The following MRC1 variants were observed in gnomAD, a reference collection of about 807,000 sequenced individuals.
MRC1 encodes mannose receptor C-type 1.
In MRC1, 62 loss-of-function variants were observed where a neutral mutation model predicts 102.9. That is an observed-to-expected ratio of 0.60 (90% CI 0.49 to 0.74). MRC1 has a LOEUF of 0.74. Among genes scored for constraint, MRC1 ranks in the 30% least tolerant of loss-of-function variants. MRC1 has a pLI of 0.00. For synonymous variants in MRC1, 457 were observed against 298.4 expected (o/e 1.53, Z -5.48); for missense variants, 1,237 against 862.8 (o/e 1.43, Z -5.43).
In MRC1 at chr10:17,905,611, C is replaced by G. The variant is rs905481552; in HGVS notation, c.3800-1275C>G. On this transcript the variant is annotated intron_variant, in intron 26 of 29. Transcript: ENST00000569591. ...AAATAAAATGAATGCTTCTCATTCT[C>G]ATTCTCAAAATATGAGTCATAAATA... Among the ~76,000 whole-genome samples, 5 of 151,306 alleles carry G rather than the reference C, an allele frequency of 3.3e-5. 1 individual carries two copies. The highest frequency in any genetic ancestry group is 3.3e-4 in the Admixed American group (5 of 15,186).
chr10:17,818,659 A>G (rs1838348529), intron 1 of MRC1, among the ~76,000 whole-genome samples: 1 of 152,066 alleles, frequency 6.6e-6, no homozygotes, highest in African/African-American at 2.4e-5. Flanking sequence ...AAATACAAAA[A>G]TTAGGTGGGT....
chr10:17,850,357 T>G (rs1205959738), intron 7 of MRC1, among the ~76,000 whole-genome samples: 1 of 150,322 alleles, frequency 6.7e-6, no homozygotes, highest in Admixed American at 6.7e-5. Flanking sequence ...CCCACCACTT[T>G]GGGAGGCCAA....
chr10:17,828,892 G>T (rs928538020), intron 3 of MRC1, among the ~76,000 whole-genome samples: 1 of 151,416 alleles, frequency 6.6e-6, no homozygotes, highest in Non-Finnish European at 1.5e-5. Context: ...GGAGGAGGGC[G>T]TCATGTTGAA....
chr10:17,809,389 GT>G lies in MRC1; in HGVS notation c.-75del. 2 of 855,874 alleles carry G rather than the reference GT, an allele frequency of 2.3e-6. No individual in the cohort carries two copies. The highest frequency in any genetic ancestry group is 2.6e-5 in the South Asian group (2 of 76,172). The allele number at this position is 855,874 out of a possible 1,614,324, so 53.0% of individuals were successfully genotyped here. A position where few individuals can be genotyped will look rare whatever the true frequency, so the allele number is the denominator to read the frequency against. On this transcript the variant is annotated 5_prime_UTR_variant, in exon 1 of 30. Coordinates refer to ENST00000569591, the MANE Select transcript of MRC1 (RefSeq NM_002438.4). ...GGAACTTGGATTAGGTGGAGAGGCA[GT>G]TGGGGGGCCTCGTTGTTTTGCGTCT...
In MRC1 at chr10:17,888,521, T is replaced by C. The variant is rs950142568; in HGVS notation, c.3147+3086T>C. On this transcript the variant is annotated intron_variant, in intron 22 of 29. Coordinates refer to ENST00000569591, the MANE Select transcript of MRC1 (RefSeq NM_002438.4). ...TTTTTTGGTTGTCTTTGTGTGTCAC[T>C]ATTAGTGTATTATTATTGACTTAAC... Among the ~76,000 whole-genome samples the C allele has an allele frequency of 1.3e-3, 191 of 152,236 alleles. 2 individuals are homozygous for C. The highest frequency in any genetic ancestry group is 0.012 in the Admixed American group (190 of 15,286).
Position 17,901,993 on chromosome 10 carries a change from C to T in MRC1, c.3670C>T (p.Pro1224Ser). The T allele has an allele frequency of 3.8e-6, 3 of 780,740 alleles. No individual in the cohort carries two copies. In the South Asian group the frequency reaches 4.0e-5, roughly 10 times the overall value. The allele number at this position is 780,740 out of a possible 1,614,324, so 48.4% of individuals were successfully genotyped here. A position where few individuals can be genotyped will look rare whatever the true frequency, so the allele number is the denominator to read the frequency against. The change falls in exon 26 of 30, where the codon CCA (proline) becomes TCA (serine). Residue 1224 changes from proline (P) to serine (S), a missense_variant. Physicochemically the swap from Pro to Ser is moderately conservative, Grantham distance 74. Coordinates refer to ENST00000569591, the MANE Select transcript of MRC1 (RefSeq NM_002438.4). ...AACAGAAATCCCTGCTACTGAACCCCCACAACTGCCTGGCAGATGCCCGGA... is the reference window on the plus strand; with the variant it reads ...AACAGAAATCCCTGCTACTGAACCCTCACAACTGCCTGGCAGATGCCCGGA... The part of the protein sequence containing the change: ...RSDEIPATEP[P>S]QLPGRCPESD...
In MRC1 at chr10:17,886,787, G is replaced by A. The variant is rs1833602813; in HGVS notation, c.3147+1352G>A. 2.0e-5 allele frequency among the ~76,000 whole-genome samples: 3 copies of A among 152,266 alleles called. No homozygotes were observed. The East Asian group carries it at 5.8e-4, about 29-fold the overall frequency. ...AAAGGCCATGTTAGATGGTCAAGGT[G>A]GGCAGCCTTCAAGCAAGAGATACAT... On this transcript the variant is annotated intron_variant, in intron 22 of 29. Coordinates refer to ENST00000569591, the MANE Select transcript of MRC1 (RefSeq NM_002438.4).
intron 3 of MRC1, among the ~76,000 whole-genome samples, chr10:17,831,566 T>A (rs1359890114): frequency 1.3e-5 from 2 of 151,308 alleles, no homozygotes; most frequent in African/African-American, 4.9e-5. Context: ...TAAAGGGCAA[T>A]TAGATACAGT....
At chr10:17,853,764 T>C (rs1341550675) in intron 8 of MRC1, among the ~76,000 whole-genome samples, 3 of 152,146 alleles carry the variant, frequency 2.0e-5, no homozygotes, top group Non-Finnish European at 2.9e-5. Flanking sequence ...AGCTGTCATA[T>C]GAAATGATTG....
At chr10:17,849,535 CA>C in intron 6 of MRC1, 43 bp from the exon 7 acceptor site, 1 of 750,494 alleles carries the variant, frequency 1.3e-6, no homozygotes, top group East Asian at 2.5e-5. Context: ...TAGTTTTAAT[CA>C]AATCTTTTAA....
Position 17,872,130 on chromosome 10 carries a change from T to G in MRC1, c.2344+4T>G, listed in dbSNP as rs2130677917. ...TGGATTTGCCAGATACAAAAAGGTATGATCACCTCTTCTCTCCTTTATCTC... is the reference window on the plus strand; with the variant it reads ...TGGATTTGCCAGATACAAAAAGGTAGGATCACCTCTTCTCTCCTTTATCTC... On this transcript the variant is annotated splice_donor_region_variant and intron_variant, in intron 15 of 29. Coordinates refer to ENST00000569591, the MANE Select transcript of MRC1 (RefSeq NM_002438.4). The G allele has an allele frequency of 1.3e-6, 1 of 780,630 alleles. No individual in the cohort carries two copies. The highest frequency in any genetic ancestry group is 1.7e-5 in the African/African-American group (1 of 59,260). 48.4% of individuals were successfully genotyped at this position (780,630 alleles called of 1,614,324 possible). A position where few individuals can be genotyped will look rare whatever the true frequency, so the allele number is the denominator to read the frequency against.
intron 1 of MRC1, among the ~76,000 whole-genome samples, chr10:17,814,064 A>G (rs1838268920): frequency 6.6e-6 from 1 of 152,198 alleles, no homozygotes; most frequent in Non-Finnish European, 1.5e-5. Flanking sequence ...TAACTGTAGT[A>G]GAAACTTAGA....
chr10:17,894,352 G>GTT, intron 23 of MRC1, 40 bp downstream of exon 23: 1 of 795,796 alleles, frequency 1.3e-6, no homozygotes, highest in Admixed American at 1.8e-5. Context: ...AAGAGCTGGG[G>GTT]TTTTTTTTTC....
intron 1 of MRC1, among the ~76,000 whole-genome samples, chr10:17,812,572 T>C (rs1169192723): frequency 7.0e-6 from 1 of 143,312 alleles, no homozygotes; most frequent in Non-Finnish European, 1.5e-5. Context: ...GTAGGCTTTT[T>C]TTTTTTTTTT....
At chr10:17,851,144 C>G (rs1024518221) in intron 7 of MRC1, among the ~76,000 whole-genome samples, 5 of 152,112 alleles carry the variant, frequency 3.3e-5, no homozygotes, top group Non-Finnish European at 5.9e-5. Flanking sequence ...ACATTTAACT[C>G]TACTTTGTAT....
intron 19 of MRC1, 51 bp downstream of exon 19, chr10:17,879,872 G>A: frequency 2.6e-6 from 2 of 780,700 alleles, no homozygotes; most frequent in African/African-American, 1.7e-5. Context: ...CGTGTCATTT[G>A]CCACATCCCT....
chr10:17,841,220 C>A (rs1485056585), intron 5 of MRC1, among the ~76,000 whole-genome samples: 1 of 152,190 alleles, frequency 6.6e-6, no homozygotes, highest in African/African-American at 2.4e-5. Context: ...TAGCCAACAT[C>A]TCTTTGTAAA....
chr10:17,884,168 C>T (rs1439069356), intron 21 of MRC1, among the ~76,000 whole-genome samples: 1 of 152,062 alleles, frequency 6.6e-6, no homozygotes. Context: ...AGGGTGTCGC[C>T]ATGTTGCCCA....
chr10:17,882,083 C>T (rs1349328497), intron 21 of MRC1, among the ~76,000 whole-genome samples: 1 of 151,942 alleles, frequency 6.6e-6, no homozygotes, highest in Non-Finnish European at 1.5e-5. Context: ...AGGTACCCAC[C>T]ATTTCTGCAT....
Sources: allele counts gnomAD v4.1 joint callset (sites outside exome capture counted in the v4.1 genomes callset), GRCh38; gene constraint gnomAD v4.1.1; transcripts MANE v1.5; gene names NCBI Gene and HGNC (gene_info 2026-07-23, HGNC 2026-07-21).